CREB5: variants seen among roughly 807,000 people sequenced by gnomAD.
The protein encoded by CREB5 is cAMP responsive element binding protein 5.
CREB5 carries 19 observed loss-of-function variants against 57.1 expected under a neutral mutation model. The observed-to-expected ratio is 0.33, with a 90% CI of 0.23 to 0.49. The LOEUF is 0.49. Ranked by LOEUF, CREB5 falls within the 20% of genes least tolerant of loss-of-function variation. The pLI, the probability that CREB5 is intolerant of heterozygous loss-of-function variation, is 0.99. For missense variants in CREB5, 579 were observed against 671.6 expected (o/e 0.86, Z 1.52); for synonymous variants, 238 against 238.3 (o/e 1.00, Z 0.01).
At chr7:28,802,846 A>G (rs1808452798) in intron 7 of CREB5, among the ~76,000 whole-genome samples, 1 of 152,242 alleles carries the variant, frequency 6.6e-6, no homozygotes, top group Admixed American at 6.5e-5. Context: ...TTCAAGTTTT[A>G]AGTGACTGGG....
intron 5 of CREB5, among the ~76,000 whole-genome samples, chr7:28,711,066 G>C (rs1040323939): frequency 1.3e-5 from 2 of 152,182 alleles, no homozygotes; most frequent in African/African-American, 4.8e-5. Context: ...ATGAGCGAGA[G>C]AGGTGGTCAG....
At chr7:28,455,653 G>A (rs929331784) in intron 1 of CREB5, among the ~76,000 whole-genome samples, 1 of 151,964 alleles carries the variant, frequency 6.6e-6, no homozygotes, top group African/African-American at 2.4e-5. Flanking sequence ...TGAATACTGC[G>A]CTTTGGGGCT....
At chr7:28,355,785 A>G (rs1267685022) in intron 1 of CREB5, among the ~76,000 whole-genome samples, 4 of 152,236 alleles carry the variant, frequency 2.6e-5, no homozygotes, top group African/African-American at 9.6e-5. Context: ...TGAAAAGTAC[A>G]GGAATAATTA....
At chr7:28,370,030 G>T (rs1786675967) in intron 1 of CREB5, among the ~76,000 whole-genome samples, 1 of 151,938 alleles carries the variant, frequency 6.6e-6, no homozygotes, top group South Asian at 2.1e-4. Context: ...GTACTTATCT[G>T]CTCATAGTAA....
chr7:28,679,665 T>A (rs1416414308), intron 5 of CREB5, among the ~76,000 whole-genome samples: 1 of 152,216 alleles, frequency 6.6e-6, no homozygotes, highest in Non-Finnish European at 1.5e-5. Flanking sequence ...GTTCCTAAGA[T>A]GGTTGTCTTC....
intron 5 of CREB5, among the ~76,000 whole-genome samples, chr7:28,575,742 G>T (rs567318963): frequency 1.3e-5 from 2 of 152,174 alleles, no homozygotes; most frequent in Non-Finnish European, 2.9e-5. Flanking sequence ...TTGGAAAGTT[G>T]CTGTATCTTT....
chr7:28,429,291 G>A (rs1181803783), intron 1 of CREB5, among the ~76,000 whole-genome samples: 2 of 152,188 alleles, frequency 1.3e-5, no homozygotes, highest in East Asian at 1.9e-4. Context: ...CTCCCAAAGT[G>A]CTGGGATAAT....
At chr7:28,786,543 A>C (rs1018844734) in intron 7 of CREB5, among the ~76,000 whole-genome samples, 4 of 148,962 alleles carry the variant, frequency 2.7e-5, no homozygotes, top group African/African-American at 9.7e-5. Context: ...CCACTGCGCC[A>C]GGCCTATGGC....
At chr7:28,467,047 C>A (rs1161981307) in intron 1 of CREB5, among the ~76,000 whole-genome samples, 1 of 152,164 alleles carries the variant, frequency 6.6e-6, no homozygotes, top group African/African-American at 2.4e-5. Flanking sequence ...TAGGGGAGGG[C>A]CGTAGCTGTG....
At chr7:28,468,385 A>G (rs376463879) in intron 1 of CREB5, among the ~76,000 whole-genome samples, 2 of 152,318 alleles carry the variant, frequency 1.3e-5, no homozygotes, top group East Asian at 3.9e-4. Flanking sequence ...TGTGTGGTTG[A>G]GTAAGATAAC....
At chr7:28,583,884 G>A (rs1796214414) in intron 5 of CREB5, among the ~76,000 whole-genome samples, 1 of 151,992 alleles carries the variant, frequency 6.6e-6, no homozygotes, top group African/African-American at 2.4e-5. Context: ...CCCCATGCTG[G>A]TCAGGCTGGT....
intron 4 of CREB5, among the ~76,000 whole-genome samples, chr7:28,531,686 A>T (rs753114256): frequency 1.3e-5 from 2 of 152,144 alleles, no homozygotes; most frequent in Non-Finnish European, 2.9e-5. Flanking sequence ...TTTACTTTAC[A>T]TAGGAATTCT....
chr7:28,443,960 T>C (rs963465132), intron 1 of CREB5, among the ~76,000 whole-genome samples: 1 of 152,174 alleles, frequency 6.6e-6, no homozygotes, highest in African/African-American at 2.4e-5. Context: ...AGGTGGAATT[T>C]AGTAGCACAT....
At chr7:28,564,613 A>C (rs1795410425) in intron 4 of CREB5, among the ~76,000 whole-genome samples, 1 of 152,212 alleles carries the variant, frequency 6.6e-6, no homozygotes, top group Non-Finnish European at 1.5e-5. Context: ...TGGAGAGCAA[A>C]GCATCCCAAG....
At chr7:28,819,031 C>A in intron 10 of CREB5, 85 bp from the exon 11 acceptor site, 1 of 1,409,174 alleles carries the variant, frequency 7.1e-7, no homozygotes, top group Non-Finnish European at 9.7e-7. Flanking sequence ...AGTACAGTTT[C>A]TCTGAGGAGT....
intron 1 of CREB5, among the ~76,000 whole-genome samples, chr7:28,469,088 G>A (rs1321964434): frequency 6.6e-6 from 1 of 152,190 alleles, no homozygotes; most frequent in Non-Finnish European, 1.5e-5. Flanking sequence ...AGGCCTGCTG[G>A]CATGTGCCTG....
upstream of CREB5, among the ~76,000 whole-genome samples, chr7:28,411,561 TG>T (rs1176922491): frequency 0.065 from 253 of 3,864 alleles, 4 homozygotes; most frequent in Admixed American, 0.33. Context: ...GTGTGGGGGG[TG>T]GGGGGGTGGG....
chr7:28,559,348 G>T (rs1424905234), intron 4 of CREB5, among the ~76,000 whole-genome samples: 1 of 152,118 alleles, frequency 6.6e-6, no homozygotes, highest in Non-Finnish European at 1.5e-5. Context: ...ACGGAGTCTG[G>T]CTGTCACCCA....
intron 5 of CREB5, among the ~76,000 whole-genome samples, chr7:28,653,825 C>G (rs1799233038): frequency 6.6e-6 from 1 of 152,202 alleles, no homozygotes; most frequent in Non-Finnish European, 1.5e-5. Flanking sequence ...AACCTGCTTG[C>G]AAGATTCCTG....
Sources: allele counts gnomAD v4.1 joint callset (sites outside exome capture counted in the v4.1 genomes callset), GRCh38; gene constraint gnomAD v4.1.1; transcripts MANE v1.5; gene names NCBI Gene and HGNC (gene_info 2026-07-23, HGNC 2026-07-21).